Variants in TRIM11 observed in about 807,000 individuals in gnomAD.
TRIM11 encodes tripartite motif containing 11.
In TRIM11, 15 loss-of-function variants were observed where a neutral mutation model predicts 33.4. The ratio of observed to expected loss-of-function variants is 0.45; its 90% CI spans 0.30 to 0.69. The LOEUF (loss-of-function observed/expected upper bound fraction) is 0.69, where lower values mean the gene tolerates loss of function less well. Ranked by LOEUF, TRIM11 falls within the 30% of genes least tolerant of loss-of-function variation. The pLI is 0.08. For synonymous variants in TRIM11, 281 were observed against 302.6 expected (o/e 0.93, Z 0.74); for missense variants, 499 against 667.6 (o/e 0.75, Z 2.78).
Position 228,401,146 on chromosome 1 carries a change from G to C in TRIM11, c.553C>G (p.Leu185Val). ...TCCTCCTCTGCCAGCAAACGGCGAA[G>C]ACGCTCGAACTCACCCAGCACGTTC... ...RQNVLGEFER[L>V]RRLLAEEEQQ... is the part of the protein sequence containing the mutation. Residue 185 changes from leucine to valine, a missense_variant, in exon 3 of 6, where the codon CTT (leucine) becomes GTT (valine). Transcript: ENST00000284551. This position sits in a 1 kb window ranked among gnomAD's most constrained non-coding sequence, Gnocchi z 6.1. 6.2e-7 allele frequency: 1 copy of C among 1,613,618 alleles called. No individual in the cohort carries two copies. Among genetic ancestry groups the C allele is most frequent in the East Asian group, 2.2e-5 (1 of 44,870 alleles).
At position 228,394,706 on chromosome 1, in the gene TRIM11, C is replaced by G; in HGVS notation, c.1406G>C (p.Ter469SerextTer18). ...GGSGDTLAPQ* is the reference protein window; with the variant it reads ...GGSGDTLAPQS ...AGGACTCCTCCAGGAGGGCCCGAGT[C>G]ACTGGGGAGCCAGGGTGTCCCCGGA... is the stretch of plus-strand genomic sequence containing the variant. The change falls in exon 6 of 6, where the codon TGA becomes TCA. Residue 469 changes from the stop codon to serine, a stop_lost. Coordinates refer to ENST00000284551, the MANE Select transcript of TRIM11 (RefSeq NM_145214.3). The surrounding 1 kb of genome is among the most constrained non-coding windows in gnomAD (Gnocchi z 6.2). 6.3e-7 allele frequency: 1 copy of G among 1,593,762 alleles called. No individual in the cohort carries two copies. Among genetic ancestry groups the G allele is most frequent in the Non-Finnish European group, 8.6e-7 (1 of 1,166,944 alleles).
intron 1 of TRIM11, chr1:228,404,776 A>G (rs2149094564): frequency 6.6e-6 from 1 of 152,310 alleles, no homozygotes; most frequent in Middle Eastern, 3.4e-3. Context: ...CCCACAATTT[A>G]TCAGTCCTAG....
At position 228,406,220 on chromosome 1, in the gene TRIM11, G is replaced by A. The variant is rs776823033; in HGVS notation, c.342C>T (p.Cys114=). Residue 114 remains cysteine (C), a synonymous_variant, in exon 1 of 6, where the codon TGC becomes TGT. Transcript: ENST00000284551. The surrounding 1 kb of genome is among the most constrained non-coding windows in gnomAD (Gnocchi z 8.2). ...GDELRLLCAA[C]ERSGEHWAHR... ...GCGCCCAGTGCTCCCCAGAGCGCTC[G>A]CAGGCCGCACACAGGAGGCGCAGCT... The A allele has an allele frequency of 1.3e-6, 2 of 1,486,098 alleles. No individual in the cohort carries two copies. The highest frequency in any genetic ancestry group is 1.3e-5 in the South Asian group (1 of 78,800). 92.1% of individuals were successfully genotyped at this position (1,486,098 alleles called of 1,614,324 possible). A position where few individuals can be genotyped will look rare whatever the true frequency, so the allele number is the denominator to read the frequency against.
At position 228,401,311 on chromosome 1, in the gene TRIM11, G is replaced by A. The variant is rs141871940; in HGVS notation, c.505-117C>T. 9.0e-4 allele frequency: 1,183 copies of A among 1,314,812 alleles called. 6 individuals are homozygous for A. In the African/African-American group the frequency reaches 0.016, roughly 17 times the overall value. The allele number at this position is 1,314,812 out of a possible 1,614,324, so 81.4% of individuals were successfully genotyped here. ...TGGCTGCACCCAACCCCACCCCCGG[G>A]GCCTGCTAAAGCCAAAGCACAGCAC... On this transcript the variant is annotated intron_variant, in intron 2 of 5. Transcript: ENST00000284551. This position sits in a 1 kb window ranked among gnomAD's most constrained non-coding sequence, Gnocchi z 6.1.
At chr1:228,405,342 G>C (rs1656366758) in intron 1 of TRIM11, 1 of 152,252 alleles carries the variant, frequency 6.6e-6, no homozygotes, top group Non-Finnish European at 1.5e-5. Flanking sequence ...CTGCTCATCT[G>C]GCACACACAA....
intron 5 of TRIM11, chr1:228,396,411 T>C: frequency 3.9e-6 from 2 of 508,138 alleles, no homozygotes; most frequent in East Asian, 6.3e-5. Context: ...CCAGGGAGGG[T>C]GGGAAAGCTC....
At chr1:228,402,391 G>A (rs1656267138) in intron 1 of TRIM11, 1 of 434,018 alleles carries the variant, frequency 2.3e-6, no homozygotes, top group Non-Finnish European at 4.1e-6. Context: ...TTCTCATATG[G>A]GGCATTTCTA....
At chr1:228,402,028 A>T in intron 2 of TRIM11, 38 bp downstream of exon 2, 1 of 1,576,244 alleles carries the variant, frequency 6.3e-7, no homozygotes, top group South Asian at 1.1e-5. Flanking sequence ...TTCACCCCCT[A>T]CCCTGCCACC....
intron 5 of TRIM11, chr1:228,396,288 G>T (rs1394749400): frequency 4.6e-6 from 1 of 217,212 alleles, no homozygotes; most frequent in African/African-American, 2.3e-5. Context: ...AATGACCAAT[G>T]ATTTAATCAA....
chr1:228,406,557 G>C lies in TRIM11; in HGVS notation c.5C>G (p.Ala2Gly). The change falls in exon 1 of 6, where the codon GCC becomes GGC. Residue 2 changes from alanine to glycine, a missense_variant. Coordinates refer to ENST00000284551, the MANE Select transcript of TRIM11 (RefSeq NM_145214.3). This position sits in a 1 kb window ranked among gnomAD's most constrained non-coding sequence, Gnocchi z 8.2. ...GAGGTTGGTGGACAGGTCGGGGGCG[G>C]CCATGGCGCGGACAGAGGGGAGGAA... M[A>G]APDLSTNLQE... The C allele has an allele frequency of 6.6e-7, 1 of 1,524,244 alleles. No individual in the cohort carries two copies. Among genetic ancestry groups the C allele is most frequent in the Non-Finnish European group, 8.8e-7 (1 of 1,132,006 alleles). The allele number at this position is 1,524,244 out of a possible 1,614,324, so 94.4% of individuals were successfully genotyped here. A position where few individuals can be genotyped will look rare whatever the true frequency, so the allele number is the denominator to read the frequency against.
chr1:228,397,928 C>T (rs898383338), intron 3 of TRIM11, among the ~76,000 whole-genome samples: 8 of 152,114 alleles, frequency 5.3e-5, no homozygotes, highest in African/African-American at 1.9e-4. Context: ...ATCTACAGGC[C>T]CAAGAGATAG....
Position 228,401,326 on chromosome 1 carries a change from A to C in TRIM11, c.505-132T>G. 1 of 1,145,858 alleles carries C rather than the reference A, an allele frequency of 8.7e-7. No individual in the cohort carries two copies. The highest frequency in any genetic ancestry group is 1.2e-6 in the Non-Finnish European group (1 of 821,362). The allele number at this position is 1,145,858 out of a possible 1,614,324, so 71.0% of individuals were successfully genotyped here. On this transcript the variant is annotated intron_variant, in intron 2 of 5. Transcript: ENST00000284551. This position sits in a 1 kb window ranked among gnomAD's most constrained non-coding sequence, Gnocchi z 6.1. ...CCACCCCCGGGGCCTGCTAAAGCCA[A>C]AGCACAGCACCAGGTGTGGCAGGAC...
At chr1:228,397,472 G>A in intron 3 of TRIM11, 1 of 424,940 alleles carries the variant, frequency 2.4e-6, no homozygotes, top group Non-Finnish European at 4.2e-6. Flanking sequence ...CTCACCCAGA[G>A]CCCCAAGTGG....
intron 3 of TRIM11, among the ~76,000 whole-genome samples, chr1:228,398,858 C>T (rs1274618098): frequency 1.3e-5 from 2 of 152,064 alleles, no homozygotes; most frequent in Admixed American, 6.5e-5. Context: ...GTCACAAGGC[C>T]GGGTGCAGGG....
At chr1:228,398,321 G>A (rs749822245) in intron 3 of TRIM11, among the ~76,000 whole-genome samples, 1 of 152,072 alleles carries the variant, frequency 6.6e-6, no homozygotes, top group Non-Finnish European at 1.5e-5. Flanking sequence ...CTGTCTAGGG[G>A]GACAACAACA....
At chr1:228,399,734 C>T (rs513467) in intron 3 of TRIM11, among the ~76,000 whole-genome samples, 25,669 of 151,740 alleles carry the variant, frequency 0.17, 2,624 homozygotes, top group East Asian at 0.4. Flanking sequence ...TCAAAGCCAG[C>T]TGATGTCCAA....
At position 228,400,838 on chromosome 1, in the gene TRIM11, A is replaced by T. The variant is rs1426541995; in HGVS notation, c.735+126T>A. 3.5e-6 allele frequency: 5 copies of T among 1,412,674 alleles called. No homozygotes were observed. The Admixed American group carries it at 1.5e-4, about 42-fold the overall frequency. The allele number at this position is 1,412,674 out of a possible 1,614,324, so 87.5% of individuals were successfully genotyped here. A position where few individuals can be genotyped will look rare whatever the true frequency, so the allele number is the denominator to read the frequency against. ...AGGCAACAGCCAGGCACATCCAGCC[A>T]TGCCATTCACCTCTCAGCCCAGACA... On this transcript the variant is annotated intron_variant, in intron 3 of 5. Transcript: ENST00000284551. The surrounding 1 kb of genome is among the most constrained non-coding windows in gnomAD (Gnocchi z 4.5).
At chr1:228,402,307 A>C in intron 1 of TRIM11, 146 bp from the exon 2 acceptor site, 1 of 585,026 alleles carries the variant, frequency 1.7e-6, no homozygotes, top group Admixed American at 3.1e-5. Context: ...ATGCCCTCCA[A>C]TAAGCGTGAG....
At chr1:228,396,784 A>T (rs2074989916) in intron 5 of TRIM11, 163 bp downstream of exon 5, 1 of 734,730 alleles carries the variant, frequency 1.4e-6, no homozygotes, top group Non-Finnish European at 2.5e-6. Flanking sequence ...CACACAACTG[A>T]TGTCAGAAGT....
Sources: gnomAD v4.1 joint callset for allele counts (sites outside exome capture counted in the v4.1 genomes callset) on GRCh38, gnomAD v4.1.1 for gene constraint, Gnocchi (gnomAD v3.1) non-coding constraint, MANE v1.5 for transcripts, NCBI Gene and HGNC (gene_info 2026-07-23, HGNC 2026-07-21) for gene names.